The following NR2F6 variants were observed in gnomAD, a reference collection of about 807,000 sequenced individuals.
The protein encoded by NR2F6 is ERBA-related gene-2.
A neutral mutation model predicts 26.5 loss-of-function variants in NR2F6; 16 were observed. The ratio of observed to expected loss-of-function variants is 0.60; its 90% CI spans 0.41 to 0.92. The LOEUF (loss-of-function observed/expected upper bound fraction) is 0.92. Ranked by LOEUF, NR2F6 falls within the 40% of genes least tolerant of loss-of-function variation. NR2F6 has a pLI of 0.00. For missense variants in NR2F6, 536 were observed against 631.7 expected, an observed-to-expected ratio of 0.85 and a Z score of 1.62; for synonymous variants, 325 against 305.0, an observed-to-expected ratio of 1.07 and a Z score of -0.68.
rs2073411366 is a variant in NR2F6, at chr19:17,232,261, G to GGGCCCCGGGA, written c.*81_*90dup. Reference sequence around the variant, plus strand: ...GTCTGAGGAGAGAAGCCAGAGTCCTGGGCCCCGGGAGGCCCCTCGAGGCCT... The same window carrying GGGCCCCGGGA: ...GTCTGAGGAGAGAAGCCAGAGTCCTGGGCCCCGGGAGGCCCCGGGAGGCCCCTCGAGGCCT... On this transcript the variant is annotated 3_prime_UTR_variant, in exon 4 of 4. Transcript: ENST00000291442. The GGGCCCCGGGA allele has an allele frequency of 8.4e-6, 13 of 1,542,084 alleles. No individual in the cohort carries two copies. Among genetic ancestry groups the GGGCCCCGGGA allele is most frequent in the Middle Eastern group, 1.9e-4 (1 of 5,266 alleles).
chr19:17,244,800 G>A (rs2145570372), intron 1 of NR2F6, 143 bp downstream of exon 1: 2 of 916,024 alleles, frequency 2.2e-6, no homozygotes, highest in Non-Finnish European at 3.2e-6. Flanking sequence ...GAATGCGGGA[G>A]GAGGGTGCTG....
At chr19:17,244,802 A>C in intron 1 of NR2F6, 141 bp downstream of exon 1, 2 of 927,110 alleles carry the variant, frequency 2.2e-6, no homozygotes, top group Non-Finnish European at 3.1e-6. Flanking sequence ...ATGCGGGAGG[A>C]GGGTGCTGTG....
In NR2F6 at chr19:17,232,517, G is replaced by A. The variant is rs375292555; in HGVS notation, c.1050C>T (p.Phe350=). 1.3e-4 allele frequency: 207 copies of A among 1,610,834 alleles called. No homozygotes were observed. In the East Asian group the frequency reaches 3.8e-3, roughly 30 times the overall value. ...CGGGGAGCCGCAGCAGCAGGCGCCCGAAGCGCTGGGGCTGGGACGGGTACT... is the reference window on the plus strand; with the variant it reads ...CGGGGAGCCGCAGCAGCAGGCGCCCAAAGCGCTGGGGCTGGGACGGGTACT... ...RAQYPSQPQR[F]GRLLLRLPAL... The change falls in exon 4 of 4, where the codon TTC becomes TTT. Residue 350 remains phenylalanine (F), a synonymous_variant. Coordinates refer to ENST00000291442, the MANE Select transcript of NR2F6 (RefSeq NM_005234.4).
chr19:17,239,180 T>C (rs2073455678), intron 2 of NR2F6, among the ~76,000 whole-genome samples: 2 of 149,954 alleles, frequency 1.3e-5, no homozygotes, highest in South Asian at 2.1e-4. Flanking sequence ...CTATTAAAAA[T>C]ACAAAAATTA....
chr19:17,242,707 C>T (rs1041876735), intron 1 of NR2F6, among the ~76,000 whole-genome samples: 12 of 152,208 alleles, frequency 7.9e-5, no homozygotes, highest in African/African-American at 2.9e-4. Context: ...CGGGTGGAAA[C>T]GGCCTGGCCT....
chr19:17,235,443 C>G lies in NR2F6; in HGVS notation c.940+56G>C. The G allele has an allele frequency of 6.5e-7, 1 of 1,531,362 alleles. No individual in the cohort carries two copies. The highest frequency in any genetic ancestry group is 8.7e-7 in the Non-Finnish European group (1 of 1,145,304). 94.9% of individuals were successfully genotyped at this position (1,531,362 alleles called of 1,614,324 possible). A position where few individuals can be genotyped will look rare whatever the true frequency, so the allele number is the denominator to read the frequency against. On this transcript the variant is annotated intron_variant, in intron 3 of 3. Transcript: ENST00000291442. This position sits in a 1 kb window ranked among gnomAD's most constrained non-coding sequence, Gnocchi z 5.0. ...CGGAGTCTGGGTCCAGGCCGCCCTC[C>G]TCCTAACCTCCCTTGGGTCCCCCCA...
At chr19:17,234,723 T>C (rs1368903882) in intron 3 of NR2F6, among the ~76,000 whole-genome samples, 1 of 151,938 alleles carries the variant, frequency 6.6e-6, no homozygotes, top group Non-Finnish European at 1.5e-5. Flanking sequence ...GGAATGGTGG[T>C]GCACGCCTGT....
intron 2 of NR2F6, among the ~76,000 whole-genome samples, chr19:17,239,409 C>T (rs2073457185): frequency 6.6e-6 from 1 of 151,988 alleles, no homozygotes; most frequent in Non-Finnish European, 1.5e-5. Flanking sequence ...GTAATCCCAG[C>T]ACTTTGGGAG....
chr19:17,233,995 C>T (rs1452902789), intron 3 of NR2F6, among the ~76,000 whole-genome samples: 4 of 151,942 alleles, frequency 2.6e-5, no homozygotes, highest in South Asian at 2.1e-4. Flanking sequence ...GAGGCTGAGG[C>T]GGGCAGATCA....
chr19:17,239,610 T>C (rs540261623), intron 2 of NR2F6, among the ~76,000 whole-genome samples: 97 of 147,992 alleles, frequency 6.6e-4, no homozygotes, highest in Non-Finnish European at 1.1e-3. Flanking sequence ...GCCGAGATCA[T>C]GCCACTGCAC....
rs1286024393 is a variant in NR2F6, at chr19:17,242,997, C to T, written c.278+1946G>A. On this transcript the variant is annotated intron_variant, in intron 1 of 3. Coordinates refer to ENST00000291442, the MANE Select transcript of NR2F6 (RefSeq NM_005234.4). ...ACACACCCTCTATGGCTCCCCATTA[C>T]CCTCAGCCAGCATTTCAGGCCCACC... 2.6e-5 allele frequency among the ~76,000 whole-genome samples: 4 copies of T among 152,298 alleles called. No individual in the cohort carries two copies. In the East Asian group the frequency reaches 7.7e-4, roughly 29 times the overall value.
chr19:17,235,862 C>T lies in NR2F6; in HGVS notation c.577G>A (p.Ala193Thr). 1 of 1,466,700 alleles carries T rather than the reference C, an allele frequency of 6.8e-7. No homozygotes were observed. The allele number at this position is 1,466,700 out of a possible 1,614,324, so 90.9% of individuals were successfully genotyped here. A position where few individuals can be genotyped will look rare whatever the true frequency, so the allele number is the denominator to read the frequency against. The part of the protein sequence containing the change: ...AGRFGAGGGA[A>T]GAVLGIDNVC... ...TTGTCGATGCCCAGCACCGCGCCCG[C>T]CGCGCCGCCCCCTGCGCCGAAGCGT... The change falls in exon 3 of 4, where the codon GCG becomes ACG. Residue 193 changes from alanine (A) to threonine (T), a missense_variant. By Grantham distance (58) the Ala-to-Thr change is moderately conservative. Transcript: ENST00000291442. This position sits in a 1 kb window ranked among gnomAD's most constrained non-coding sequence, Gnocchi z 5.0.
intron 3 of NR2F6, among the ~76,000 whole-genome samples, chr19:17,233,311 CAAACAAAACAAAACAAAACA>C (rs143909942): frequency 2.1e-5 from 3 of 145,062 alleles, no homozygotes; most frequent in South Asian, 2.3e-4. Context: ...GACCCTGTCT[CAAACAAAACAAAACAAAACA>C]AAACAAAACA....
chr19:17,240,647 A>G (rs1278468664), intron 2 of NR2F6, 24 bp downstream of exon 2: 1 of 1,609,872 alleles, frequency 6.2e-7, no homozygotes, highest in Non-Finnish European at 8.5e-7. Flanking sequence ...GATCGTCCCC[A>G]GTGTGTCCCC....
intron 2 of NR2F6, among the ~76,000 whole-genome samples, chr19:17,237,613 T>C (rs774026010): frequency 1.5e-4 from 23 of 151,980 alleles, no homozygotes; most frequent in Non-Finnish European, 3.2e-4. Flanking sequence ...GGTTTCACCA[T>C]GTTGGCCAGG....
rs955929498 is a variant in NR2F6, at chr19:17,235,094, C to G, written c.940+405G>C. Reference sequence around the variant, plus strand: ...CAGTGGGGGCCTGAGGGGGCCAGAACCAGGGGGTCAGGACCTTCCCTCCCA... The same window carrying G: ...CAGTGGGGGCCTGAGGGGGCCAGAAGCAGGGGGTCAGGACCTTCCCTCCCA... On this transcript the variant is annotated intron_variant, in intron 3 of 3. Coordinates refer to ENST00000291442, the MANE Select transcript of NR2F6 (RefSeq NM_005234.4). This position sits in a 1 kb window ranked among gnomAD's most constrained non-coding sequence, Gnocchi z 5.0. Among the ~76,000 whole-genome samples, 1 of 152,218 alleles carries G rather than the reference C, an allele frequency of 6.6e-6. No individual in the cohort carries two copies. Among genetic ancestry groups the G allele is most frequent in the Non-Finnish European group, 1.5e-5 (1 of 68,032 alleles).
intron 2 of NR2F6, among the ~76,000 whole-genome samples, chr19:17,239,961 C>T (rs2073460447): frequency 6.6e-6 from 1 of 152,298 alleles, no homozygotes; most frequent in East Asian, 1.9e-4. Context: ...CAGGAGATCT[C>T]GTCCAATAGG....
At position 17,233,042 on chromosome 19, in the gene NR2F6, G is replaced by A. The variant is rs144117449; in HGVS notation, c.941-416C>T. Among the ~76,000 whole-genome samples, 540 of 152,300 alleles carry A rather than the reference G, an allele frequency of 3.5e-3. 1 individual carries two copies. The highest frequency in any genetic ancestry group is 6.5e-3 in the Non-Finnish European group (445 of 68,022). On this transcript the variant is annotated intron_variant, in intron 3 of 3. Transcript: ENST00000291442. ...TGCGTGCCTGCAGTTCCAGCTACTC[G>A]GAAGGCTAATGGGAGGATCGCTTGA...
Position 17,232,219 on chromosome 19 carries a change from G to T in NR2F6, c.*133C>A. 8.2e-7 allele frequency: 1 copy of T among 1,217,294 alleles called. No homozygotes were observed. Among genetic ancestry groups the T allele is most frequent in the Non-Finnish European group, 1.1e-6 (1 of 881,300 alleles). 75.4% of individuals were successfully genotyped at this position (1,217,294 alleles called of 1,614,324 possible). ...AAACAGAAAAGACAAACATTTCACA[G>T]TCTTTAAAAAATAGAAGTCTGAGGA... On this transcript the variant is annotated 3_prime_UTR_variant, in exon 4 of 4. Transcript: ENST00000291442.
Sources: allele counts gnomAD v4.1 joint callset (sites outside exome capture counted in the v4.1 genomes callset), GRCh38; gene constraint gnomAD v4.1.1; non-coding constraint Gnocchi (gnomAD v3.1); transcripts MANE v1.5; gene names NCBI Gene and HGNC (gene_info 2026-07-23, HGNC 2026-07-21).